ERGIC1: variants seen among roughly 807,000 people sequenced by gnomAD.
ERGIC1 encodes the protein endoplasmic reticulum-golgi intermediate compartment 1, also known as endoplasmic reticulum-Golgi intermediate compartment protein 1.
ERGIC1 carries 19 observed loss-of-function variants against 38.3 expected under a neutral mutation model. The observed-to-expected ratio is 0.50, with a 90% confidence interval of 0.35 to 0.73. The LOEUF is 0.73. Ranked by LOEUF, ERGIC1 falls within the 30% of genes least tolerant of loss-of-function variation. The pLI, the probability that ERGIC1 is intolerant of heterozygous loss-of-function variation, is 0.01. For missense variants in ERGIC1, 294 were observed against 389.2 expected (o/e 0.76, Z 2.06); for synonymous variants, 124 against 157.6 (o/e 0.79, Z 1.60).
At chr5:172,884,333 C>G (rs1232866088) in intron 1 of ERGIC1, among the ~76,000 whole-genome samples, 1 of 148,784 alleles carries the variant, frequency 6.7e-6, no homozygotes, top group Non-Finnish European at 1.5e-5. Context: ...CATTAAACTC[C>G]TGGATTCAAA....
Position 172,950,897 on chromosome 5 carries a change from C to A in ERGIC1, c.*81C>A. 7.8e-7 allele frequency: 1 copy of A among 1,278,148 alleles called. No homozygotes were observed. Among genetic ancestry groups the A allele is most frequent in the Non-Finnish European group, 1.1e-6 (1 of 923,682 alleles). The allele number at this position is 1,278,148 out of a possible 1,614,324, so 79.2% of individuals were successfully genotyped here. A position where few individuals can be genotyped will look rare whatever the true frequency, so the allele number is the denominator to read the frequency against. ...TGCCCTGTCTCCTTTGGCCCTCAATCTGGTCCCAAATCTGGCTGTGTCCCA... is the reference window on the plus strand; with the variant it reads ...TGCCCTGTCTCCTTTGGCCCTCAATATGGTCCCAAATCTGGCTGTGTCCCA... On this transcript the variant is annotated 3_prime_UTR_variant, in exon 10 of 10. Coordinates refer to ENST00000393784, the MANE Select transcript of ERGIC1 (RefSeq NM_001031711.3).
rs1561721933 is a variant in ERGIC1 at position 172,893,927 on chromosome 5, G to GA, written c.83-3075_83-3074insA. ...TATATGTGTGTGTGTGTGTGTGTGT[G>GA]TGTGTGTGTATATATATATATATAT... On this transcript the variant is annotated intron_variant, in intron 2 of 9. Coordinates refer to ENST00000393784, the MANE Select transcript of ERGIC1 (RefSeq NM_001031711.3). Among the ~76,000 whole-genome samples the GA allele has an allele frequency of 6.0e-3, 339 of 56,556 alleles. 18 individuals are homozygous for GA. Among genetic ancestry groups the GA allele is most frequent in the African/African-American group, 0.025 (332 of 13,540 alleles). 37.1% of individuals were successfully genotyped at this position (56,556 alleles called of 152,430 possible).
At chr5:172,903,991 T>TCACACACAC (rs1561727208) in intron 3 of ERGIC1, among the ~76,000 whole-genome samples, 3 of 95,072 alleles carry the variant, frequency 3.2e-5, no homozygotes, top group Admixed American at 9.8e-5. Context: ...ACACACACAT[T>TCACACACAC]GACTCACACT....
intron 1 of ERGIC1, among the ~76,000 whole-genome samples, chr5:172,839,269 A>ATG (rs1361506595): frequency 1.3e-5 from 2 of 150,092 alleles, no homozygotes; most frequent in African/African-American, 2.5e-5. Flanking sequence ...AAGTATATAT[A>ATG]TATGGGCCAG....
At chr5:172,940,160 A>C (rs987997830) in intron 9 of ERGIC1, among the ~76,000 whole-genome samples, 61 of 152,178 alleles carry the variant, frequency 4.0e-4, no homozygotes, top group East Asian at 9.7e-4. Flanking sequence ...TCCCAGATGC[A>C]TTGCCAAGTG....
At chr5:172,889,403 A>AT (rs1762505281) in intron 2 of ERGIC1, among the ~76,000 whole-genome samples, 1 of 151,426 alleles carries the variant, frequency 6.6e-6, no homozygotes. Context: ...GTTTTTATCC[A>AT]TTAAAAAAAA....
chr5:172,886,141 G>A (rs1010909263), intron 1 of ERGIC1, among the ~76,000 whole-genome samples: 1 of 151,828 alleles, frequency 6.6e-6, no homozygotes, highest in African/African-American at 2.4e-5. Context: ...ATCGACACTT[G>A]GTGTGAGACT....
intron 1 of ERGIC1, among the ~76,000 whole-genome samples, chr5:172,852,082 A>G (rs1561701443): frequency 6.6e-6 from 1 of 151,760 alleles, no homozygotes; most frequent in Non-Finnish European, 1.5e-5. Context: ...AGCCAAAAGG[A>G]GACCGCCAAA....
In ERGIC1 at chr5:172,834,632, G is replaced by A. The variant is rs1350146243; in HGVS notation, c.20+199G>A. Among the ~76,000 whole-genome samples, 13 of 139,334 alleles carry A rather than the reference G, an allele frequency of 9.3e-5. No homozygotes were observed. The highest frequency in any genetic ancestry group is 2.0e-4 in the Non-Finnish European group (13 of 65,588). The allele number at this position is 139,334 out of a possible 152,430, so 91.4% of individuals were successfully genotyped here. ...GCCAGAGCCGCGGAGGCCCCCTCGT[G>A]CAGCGGGAGACAAATCCACCCACCT... On this transcript the variant is annotated intron_variant, in intron 1 of 9. Coordinates refer to ENST00000393784, the MANE Select transcript of ERGIC1 (RefSeq NM_001031711.3). The surrounding 1 kb of genome is among the most constrained non-coding windows in gnomAD (Gnocchi z 4.1).
At chr5:172,891,321 C>G (rs1240603648) in intron 2 of ERGIC1, among the ~76,000 whole-genome samples, 1 of 152,212 alleles carries the variant, frequency 6.6e-6, no homozygotes, top group African/African-American at 2.4e-5. Flanking sequence ...CTGCCCCATT[C>G]CTACCGTCCA....
rs898732529 is a variant in ERGIC1, at chr5:172,834,413, G to C, written c.-1G>C. 5 of 1,334,070 alleles carry C rather than the reference G, an allele frequency of 3.7e-6. No homozygotes were observed. The highest frequency in any genetic ancestry group is 1.5e-5 in the African/African-American group (1 of 65,608). The allele number at this position is 1,334,070 out of a possible 1,614,324, so 82.6% of individuals were successfully genotyped here. A position where few individuals can be genotyped will look rare whatever the true frequency, so the allele number is the denominator to read the frequency against. Reference sequence around the variant, plus strand: ...GCGCTCCCACCCCCGGCGGCGGCACGATGCCCTTTGACTTCAGGAGGTGAG... The same window carrying C: ...GCGCTCCCACCCCCGGCGGCGGCACCATGCCCTTTGACTTCAGGAGGTGAG... On this transcript the variant is annotated 5_prime_UTR_variant, in exon 1 of 10. Coordinates refer to ENST00000393784, the MANE Select transcript of ERGIC1 (RefSeq NM_001031711.3). This position sits in a 1 kb window ranked among gnomAD's most constrained non-coding sequence, Gnocchi z 4.1.
Position 172,915,288 on chromosome 5 carries a change from T to C in ERGIC1, c.375+450T>C. 5 of 560,274 alleles carry C rather than the reference T, an allele frequency of 8.9e-6. No homozygotes were observed. In the South Asian group the frequency reaches 1.0e-4, roughly 11 times the overall value. 34.7% of individuals were successfully genotyped at this position (560,274 alleles called of 1,614,324 possible). ...CAGATTCATTCATTCAGAAAAATTT[T>C]TGAATGGCACGTTCTGTGTTCCAGG... On this transcript the variant is annotated intron_variant, in intron 5 of 9. Coordinates refer to ENST00000393784, the MANE Select transcript of ERGIC1 (RefSeq NM_001031711.3).
At chr5:172,904,656 G>A (rs1258172924) in intron 3 of ERGIC1, among the ~76,000 whole-genome samples, 1 of 152,164 alleles carries the variant, frequency 6.6e-6, no homozygotes, top group African/African-American at 2.4e-5. Flanking sequence ...TTTAAAATCA[G>A]TTCAGCCCTA....
chr5:172,909,797 C>T, intron 4 of ERGIC1, 36 bp downstream of exon 4: 1 of 1,577,814 alleles, frequency 6.3e-7, no homozygotes, highest in Non-Finnish European at 8.7e-7. Flanking sequence ...TCCAGCAGGA[C>T]ACCTCCTTAG....
chr5:172,927,226 T>G (rs2446191), intron 7 of ERGIC1: 3 of 152,220 alleles, frequency 2.0e-5, no homozygotes, highest in African/African-American at 7.2e-5. Context: ...CAAGCAGACC[T>G]GCAGACCCAC....
intron 5 of ERGIC1, chr5:172,916,898 T>A (rs1356722537): frequency 6.6e-6 from 1 of 151,958 alleles, no homozygotes; most frequent in Admixed American, 6.6e-5. Context: ...GGCGGGAGAA[T>A]GGCATGAACC....
chr5:172,912,227 G>T (rs1445675523), intron 4 of ERGIC1, among the ~76,000 whole-genome samples: 1 of 152,108 alleles, frequency 6.6e-6, no homozygotes, highest in Non-Finnish European at 1.5e-5. Flanking sequence ...GGGATTTGAG[G>T]TATCTTAGCA....
At chr5:172,945,958 G>T (rs1472571352) in intron 9 of ERGIC1, among the ~76,000 whole-genome samples, 1 of 152,208 alleles carries the variant, frequency 6.6e-6, no homozygotes, top group African/African-American at 2.4e-5. Context: ...TGCAGGGGTT[G>T]CAGGCATGAG....
At chr5:172,915,681 C>A (rs1763346827) in intron 5 of ERGIC1, 1 of 469,858 alleles carries the variant, frequency 2.1e-6, no homozygotes, top group Non-Finnish European at 4.4e-6. Flanking sequence ...GAGGCAGCAC[C>A]ATTTGACAGG....
Sources: allele counts gnomAD v4.1 joint callset (sites outside exome capture counted in the v4.1 genomes callset), GRCh38; gene constraint gnomAD v4.1.1; non-coding constraint Gnocchi (gnomAD v3.1); transcripts MANE v1.5; gene names NCBI Gene and HGNC (gene_info 2026-07-23, HGNC 2026-07-21).